SNORC: variants seen among roughly 807,000 people sequenced by gnomAD.
SNORC encodes the protein secondary ossification center associated regulator of chondrocyte maturation, also known as protein SNORC.
SNORC carries 11 observed loss-of-function variants against 9.7 expected under a neutral mutation model. That is an observed-to-expected ratio of 1.14 (90% CI 0.72 to 1.88). The LOEUF (loss-of-function observed/expected upper bound fraction) is 1.88. SNORC is among the 40% of genes most tolerant of loss of function. The probability of loss-of-function intolerance (pLI) is 0.00; values close to 1 mark genes in which losing one functional copy is unlikely to be tolerated. For synonymous variants in SNORC, 108 were observed against 88.7 expected, an observed-to-expected ratio of 1.22 and a Z score of -1.22; for missense variants, 197 against 173.1, an observed-to-expected ratio of 1.14 and a Z score of -0.77.
In SNORC at chr2:232,870,426, A is replaced by C. The variant is rs1248931050; in HGVS notation, c.73+12A>C. 1 of 1,563,658 alleles carries C rather than the reference A, an allele frequency of 6.4e-7. No individual in the cohort carries two copies. Among genetic ancestry groups the C allele is most frequent in the East Asian group, 2.4e-5 (1 of 42,180 alleles). Reference sequence around the variant, plus strand: ...TGCGGTGCTCACAGGTAAGAGGTGAAGGCCCTTGTCTCAGCCACCACTAGC... The same window carrying C: ...TGCGGTGCTCACAGGTAAGAGGTGACGGCCCTTGTCTCAGCCACCACTAGC... On this transcript the variant is annotated intron_variant, in intron 1 of 2. Coordinates refer to ENST00000331342, the Ensembl canonical transcript of SNORC.
upstream of SNORC, among the ~76,000 whole-genome samples, chr2:232,868,857 T>C (rs1574968287): frequency 1.3e-5 from 2 of 152,350 alleles, no homozygotes; most frequent in South Asian, 2.1e-4. Context: ...GGATCTAATG[T>C]CATACTCACA....
At chr2:232,876,631 G>A, downstream of SNORC, 1 of 1,040,108 alleles carries the variant, frequency 9.6e-7, no homozygotes, top group Non-Finnish European at 1.2e-6. The surrounding 1 kb of genome is among the most constrained non-coding windows in gnomAD (Gnocchi z 6.8). Flanking sequence ...ACCTGAGCGC[G>A]CGCAGGGCCG....
chr2:232,870,356 G>A (rs1383259825), exon 1 of SNORC: 1 of 1,563,180 alleles, frequency 6.4e-7, no homozygotes, highest in East Asian at 2.4e-5. Context: ...CATCCTGTCT[G>A]GCCCTGCGCA....
downstream of SNORC, chr2:232,877,151 C>T: frequency 1.0e-6 from 1 of 985,636 alleles, no homozygotes; most frequent in Non-Finnish European, 1.2e-6. Flanking sequence ...AGTCGAGAGT[C>T]GACGCCGGAC....
Position 232,876,024 on chromosome 2 carries a change from G to A in SNORC, c.158G>A (p.Ser53Asn), listed in dbSNP as rs1408685888. 24 of 1,546,886 alleles carry A rather than the reference G, an allele frequency of 1.6e-5. No homozygotes were observed. Among genetic ancestry groups the A allele is most frequent in the African/African-American group, 4.1e-5 (3 of 73,168 alleles). ...GGAGAAGGCCCCGTGGAGAGCACCAGCCCCGGCCGGGAGCCCGTGGACACC... is the reference window on the plus strand; with the variant it reads ...GGAGAAGGCCCCGTGGAGAGCACCAACCCCGGCCGGGAGCCCGTGGACACC... The change falls in exon 2 of 3, where the codon AGC (serine) becomes AAC (asparagine). Residue 53 changes from serine to asparagine, a missense_variant. Transcript: ENST00000331342. The surrounding 1 kb of genome is among the most constrained non-coding windows in gnomAD (Gnocchi z 6.8).
upstream of SNORC, chr2:232,868,951 T>A (rs1337549928): frequency 6.6e-6 from 1 of 152,244 alleles, no homozygotes; most frequent in African/African-American, 2.4e-5. Context: ...CGTATCTTAC[T>A]AACTTGATAC....
intron 1 of SNORC, among the ~76,000 whole-genome samples, chr2:232,873,706 C>T (rs1362374029): frequency 2.6e-5 from 4 of 152,238 alleles, no homozygotes; most frequent in African/African-American, 4.8e-5. Flanking sequence ...GGCCTTTTAC[C>T]TGCCCAGCCC....
rs1038374281 is a variant in SNORC at position 232,876,353 on chromosome 2, C to G, written c.363C>G (p.Ser121=). 6.5e-7 allele frequency: 1 copy of G among 1,537,282 alleles called. No homozygotes were observed. The highest frequency in any genetic ancestry group is 8.7e-7 in the Non-Finnish European group (1 of 1,145,672). The stretch of plus-strand genomic sequence containing the variant: ...TCGCGCTGAGAAAGTTTTCTGCCTC[C>G]TGAAGCGAATAAAGGGGCCGCGCCC... Residue 121 remains serine, a synonymous_variant, in exon 3 of 3, where the codon TCC becomes TCG. Transcript: ENST00000331342. This position sits in a 1 kb window ranked among gnomAD's most constrained non-coding sequence, Gnocchi z 6.8.
chr2:232,869,224 C>A (rs960509887), upstream of SNORC: 1 of 152,178 alleles, frequency 6.6e-6, no homozygotes, highest in Admixed American at 6.5e-5. Context: ...ATAATCACCA[C>A]AGGACTGCCT....
At chr2:232,875,888 T>G in intron 1 of SNORC, 52 bp from the exon 2 acceptor site, 1 of 1,500,400 alleles carries the variant, frequency 6.7e-7, no homozygotes, top group South Asian at 1.3e-5. Context: ...GGGGGTGACG[T>G]CCCTGTCGGC....
upstream of SNORC, among the ~76,000 whole-genome samples, chr2:232,866,950 G>A (rs949561768): frequency 6.6e-6 from 1 of 152,110 alleles, no homozygotes; most frequent in Non-Finnish European, 1.5e-5. Flanking sequence ...TAGAGACAGG[G>A]TTTCACCATG....
chr2:232,876,100 G>A lies in SNORC; in HGVS notation c.234G>A (p.Gln78=). 5 of 1,513,370 alleles carry A rather than the reference G, an allele frequency of 3.3e-6. No homozygotes were observed. Among genetic ancestry groups the A allele is most frequent in the East Asian group, 2.6e-5 (1 of 38,046 alleles). 93.7% of individuals were successfully genotyped at this position (1,513,370 alleles called of 1,614,324 possible). ...CAGGACCCGAGGACAGCACCGCGCA[G>A]GAGCGGCTGGACCAGGGCGGCGGTA... is the stretch of plus-strand genomic sequence containing the variant. The change falls in exon 2 of 3, where the codon CAG becomes CAA. Residue 78 remains glutamine, a synonymous_variant. Transcript: ENST00000331342. This position sits in a 1 kb window ranked among gnomAD's most constrained non-coding sequence, Gnocchi z 6.8.
chr2:232,869,857 C>T (rs1302181000), upstream of SNORC: 2 of 253,538 alleles, frequency 7.9e-6, no homozygotes, highest in African/African-American at 4.6e-5. Context: ...GTGCTGCCTG[C>T]TTCAGGCCAA....
intron 1 of SNORC, among the ~76,000 whole-genome samples, chr2:232,875,031 T>A (rs557432570): frequency 6.6e-6 from 1 of 152,270 alleles, no homozygotes; most frequent in African/African-American, 2.4e-5. Context: ...GATCACAGTC[T>A]CTATCCCAGT....
rs374593527 is a variant in SNORC, at chr2:232,870,478, G to A, written c.73+64G>A. The A allele has an allele frequency of 3.8e-5, 55 of 1,450,744 alleles. No individual in the cohort carries two copies. In the African/African-American group the frequency reaches 7.3e-4, roughly 19 times the overall value. The allele number at this position is 1,450,744 out of a possible 1,614,324, so 89.9% of individuals were successfully genotyped here. A position where few individuals can be genotyped will look rare whatever the true frequency, so the allele number is the denominator to read the frequency against. ...TCCCAGGGCCGATAACTACCTTGGG[G>A]CCAGATTCTTCAACGTTCACTGGGG... On this transcript the variant is annotated intron_variant, in intron 1 of 2. Transcript: ENST00000331342.
At chr2:232,877,152 G>T (rs1691292945), downstream of SNORC, 1 of 985,466 alleles carries the variant, frequency 1.0e-6, no homozygotes, top group Admixed American at 6.1e-5. Flanking sequence ...GTCGAGAGTC[G>T]ACGCCGGACA....
At chr2:232,877,244 G>A (rs1691305285), downstream of SNORC, 16 of 985,482 alleles carry the variant, frequency 1.6e-5, no homozygotes, top group Non-Finnish European at 1.9e-5. Flanking sequence ...GTTTGTTCAG[G>A]GAGAGAAAAC....
rs144011660 is a variant in SNORC at position 232,875,275 on chromosome 2, G to A, written c.74-665G>A. Among the ~76,000 whole-genome samples the A allele has an allele frequency of 7.7e-3, 1,171 of 152,314 alleles. 14 individuals are homozygous for A. Among genetic ancestry groups the A allele is most frequent in the African/African-American group, 0.026 (1,079 of 41,548 alleles). On this transcript the variant is annotated intron_variant, in intron 1 of 2. Transcript: ENST00000331342. ...AATCGCTTGCTTGAACCCGGGAGGC[G>A]GAGGCTGCAGTGAGCCGAGATTGTA...
At position 232,876,213 on chromosome 2, in the gene SNORC, G is replaced by A. The variant is rs573016744; in HGVS notation, c.257-34G>A. On this transcript the variant is annotated intron_variant, in intron 2 of 2. Coordinates refer to ENST00000331342, the Ensembl canonical transcript of SNORC. The surrounding 1 kb of genome is among the most constrained non-coding windows in gnomAD (Gnocchi z 6.8). ...GGGGAGAAGGGCCGGCCAGGCGGGG[G>A]CTAGCAGGTGACATGGTCCTCCGTC... 1.0e-3 allele frequency: 1,560 copies of A among 1,486,130 alleles called. 12 individuals are homozygous for A. In the African/African-American group the frequency reaches 0.02, roughly 19 times the overall value. The allele number at this position is 1,486,130 out of a possible 1,614,324, so 92.1% of individuals were successfully genotyped here. A position where few individuals can be genotyped will look rare whatever the true frequency, so the allele number is the denominator to read the frequency against.
Sources: allele counts gnomAD v4.1 joint callset (sites outside exome capture counted in the v4.1 genomes callset), GRCh38; gene constraint gnomAD v4.1.1; non-coding constraint Gnocchi (gnomAD v3.1); transcripts MANE v1.5; gene names NCBI Gene and HGNC (gene_info 2026-07-23, HGNC 2026-07-21).